Variants in RPS6KA2 observed in about 807,000 individuals in gnomAD.
The protein encoded by RPS6KA2 is ribosomal protein S6 kinase alpha-2.
In RPS6KA2, 42 loss-of-function variants were observed where a neutral mutation model predicts 91.8. The observed-to-expected ratio is 0.46, with a 90% CI of 0.36 to 0.59. The LOEUF (loss-of-function observed/expected upper bound fraction) is 0.59, where lower values mean the gene tolerates loss of function less well. RPS6KA2 is among the 20% of genes least tolerant of loss of function. The pLI is 0.00. For synonymous variants in RPS6KA2, 414 were observed against 393.6 expected, an observed-to-expected ratio of 1.05 and a Z score of -0.61; for missense variants, 798 against 978.5, an observed-to-expected ratio of 0.82 and a Z score of 2.46.
intron 2 of RPS6KA2, among the ~76,000 whole-genome samples, chr6:166,650,840 C>T (rs905512546): frequency 6.6e-6 from 1 of 152,198 alleles, no homozygotes; most frequent in African/African-American, 2.4e-5. Context: ...CTGCAGGTCT[C>T]GTTTGGGCAG....
chr6:166,478,448 G>C (rs1160180696), intron 10 of RPS6KA2, among the ~76,000 whole-genome samples: 1 of 152,178 alleles, frequency 6.6e-6, no homozygotes, highest in Non-Finnish European at 1.5e-5. Flanking sequence ...GCTCTTGCCA[G>C]GGTGGATTTC....
At chr6:166,579,402 C>T (rs530454935) in intron 1 of RPS6KA2, among the ~76,000 whole-genome samples, 15 of 152,116 alleles carry the variant, frequency 9.9e-5, no homozygotes, top group African/African-American at 3.4e-4. Context: ...CACAGGCCAT[C>T]TGGGGAGGAA....
chr6:166,583,320 G>A (rs189384253), intron 1 of RPS6KA2, among the ~76,000 whole-genome samples: 138 of 152,276 alleles, frequency 9.1e-4, no homozygotes, highest in African/African-American at 3.2e-3. Flanking sequence ...CAGAGATCAC[G>A]GCCTTCTTGG....
Position 166,498,541 on chromosome 6 carries a change from C to T in RPS6KA2, c.714G>A (p.Gln238=), listed in dbSNP as rs1781879870. 2 of 1,613,430 alleles carry T rather than the reference C, an allele frequency of 1.2e-6. No homozygotes were observed. Among genetic ancestry groups the T allele is most frequent in the South Asian group, 2.2e-5 (2 of 90,986 alleles). Residue 238 remains glutamine, a synonymous_variant, in exon 8 of 21, where the codon CAG becomes CAA. Coordinates refer to ENST00000265678, the MANE Select transcript of RPS6KA2 (RefSeq NM_021135.6). The stretch of plus-strand genomic sequence containing the variant: ...CGCCGAAGGACCACCAGTCGGCACT[C>T]TGCGTGTGTCCTCGCCGGTTCACCA... The part of the protein sequence containing the change: ...PEVVNRRGHT[Q]SADWWSFGVL...
At chr6:166,745,185 CT>C (rs1284364377) in intron 2 of RPS6KA2, among the ~76,000 whole-genome samples, 5 of 139,266 alleles carry the variant, frequency 3.6e-5, no homozygotes, top group African/African-American at 5.8e-5. Flanking sequence ...GAGTTTTGCC[CT>C]TGTTGCCCAG....
chr6:166,608,155 C>A (rs1033198915), intron 1 of RPS6KA2, among the ~76,000 whole-genome samples: 1 of 152,140 alleles, frequency 6.6e-6, no homozygotes, highest in African/African-American at 2.4e-5. Flanking sequence ...GAATTTTTCA[C>A]AAAGACTCCC....
At chr6:166,650,669 G>C (rs770062882) in intron 2 of RPS6KA2, among the ~76,000 whole-genome samples, 2 of 152,228 alleles carry the variant, frequency 1.3e-5, no homozygotes, top group Non-Finnish European at 2.9e-5. Flanking sequence ...ACTGAGTCAG[G>C]CTTGCCCAAG....
intron 1 of RPS6KA2, among the ~76,000 whole-genome samples, chr6:166,594,609 C>T (rs1478078527): frequency 6.6e-6 from 1 of 152,168 alleles, no homozygotes; most frequent in African/African-American, 2.4e-5. Context: ...ACTACAGGCG[C>T]CTGCCACGAT....
At chr6:166,510,648 C>T (rs1782448453) in intron 3 of RPS6KA2, among the ~76,000 whole-genome samples, 1 of 126,140 alleles carries the variant, frequency 7.9e-6, no homozygotes, top group Non-Finnish European at 1.6e-5. Flanking sequence ...GGCAGCACGA[C>T]ATGTTACTCT....
chr6:166,600,307 G>A (rs1313263268), intron 1 of RPS6KA2, among the ~76,000 whole-genome samples: 1 of 152,232 alleles, frequency 6.6e-6, no homozygotes, highest in Non-Finnish European at 1.5e-5. Flanking sequence ...GCCTGGCCAA[G>A]GTTACTGTTT....
chr6:166,637,490 G>C (rs563217650), intron 2 of RPS6KA2, among the ~76,000 whole-genome samples: 91 of 152,358 alleles, frequency 6.0e-4, no homozygotes, highest in African/African-American at 2.1e-3. Context: ...CGGGGGAGAG[G>C]GTGGTAGGGG....
intron 4 of RPS6KA2, chr6:166,509,399 A>G (rs770940054): frequency 1.2e-5 from 2 of 170,218 alleles, no homozygotes; most frequent in Non-Finnish European, 2.9e-5. Flanking sequence ...TTGGAAAGCC[A>G]GCCTCTGCAG....
intron 2 of RPS6KA2, among the ~76,000 whole-genome samples, chr6:166,816,391 C>CAAAAAAAAAAAA (rs61347721): frequency 3.3e-5 from 4 of 120,078 alleles, no homozygotes; most frequent in African/African-American, 6.4e-5. Context: ...ACTAAAAATA[C>CAAAAAAAAAAAA]AAAAAAAAAA....
intron 2 of RPS6KA2, among the ~76,000 whole-genome samples, chr6:166,704,038 C>T (rs1644944167): frequency 6.6e-6 from 1 of 152,192 alleles, no homozygotes; most frequent in Admixed American, 6.5e-5. Flanking sequence ...AAGATATTGG[C>T]TCACACTTCT....
chr6:166,721,764 G>A (rs1264764243), intron 2 of RPS6KA2, among the ~76,000 whole-genome samples: 5 of 152,162 alleles, frequency 3.3e-5, no homozygotes, highest in South Asian at 2.1e-4. Flanking sequence ...AGAAGCTCCC[G>A]CCCCACCTTG....
chr6:166,595,060 G>GT (rs56360560), intron 1 of RPS6KA2, among the ~76,000 whole-genome samples: 58,243 of 149,654 alleles, frequency 0.39, 11,522 homozygotes, highest in East Asian at 0.54. Context: ...ATTTTTTTTT[G>GT]TTTTTTTTTG....
intron 3 of RPS6KA2, among the ~76,000 whole-genome samples, chr6:166,530,490 C>T (rs559900101): frequency 1.9e-4 from 29 of 152,336 alleles, no homozygotes; most frequent in Non-Finnish European, 3.4e-4. Flanking sequence ...CTGTGTGGCA[C>T]GGGGTGCCCT....
chr6:166,726,101 G>C lies in RPS6KA2; in HGVS notation c.123+132099C>G, dbSNP rs1790330008. ...AAACACGTGGCTTTTAGGTCCTACA[G>C]AAATGCCCTTAGGCTACAATATAGA... On this transcript the variant is annotated intron_variant, in intron 2 of 21. Coordinates refer to the RPS6KA2 transcript ENST00000503859. The surrounding 1 kb of genome is among the most constrained non-coding windows in gnomAD (Gnocchi z 4.4). Among the ~76,000 whole-genome samples, 1 of 151,704 alleles carries C rather than the reference G, an allele frequency of 6.6e-6. No individual in the cohort carries two copies. The highest frequency in any genetic ancestry group is 1.5e-5 in the Non-Finnish European group (1 of 68,004).
intron 1 of RPS6KA2, among the ~76,000 whole-genome samples, chr6:166,552,091 G>C (rs1186467688): frequency 6.6e-6 from 1 of 152,188 alleles, no homozygotes; most frequent in Non-Finnish European, 1.5e-5. Flanking sequence ...AGAGATCCTT[G>C]TTACCCAGTG....
Sources: allele counts gnomAD v4.1 joint callset (sites outside exome capture counted in the v4.1 genomes callset), GRCh38; gene constraint gnomAD v4.1.1; non-coding constraint Gnocchi (gnomAD v3.1); transcripts MANE v1.5; gene names NCBI Gene and HGNC (gene_info 2026-07-23, HGNC 2026-07-21).